ARMC2: variants seen among roughly 807,000 people sequenced by gnomAD.
ARMC2 encodes armadillo repeat containing 2, also known as armadillo repeat-containing protein 2.
In ARMC2, 67 loss-of-function variants were observed where a neutral mutation model predicts 90.3. That is an observed-to-expected ratio of 0.74 (90% CI 0.61 to 0.91). The LOEUF is 0.91. Ranked by LOEUF, ARMC2 falls within the 40% of genes least tolerant of loss-of-function variation. ARMC2 has a pLI of 0.00. For missense variants in ARMC2, 920 were observed against 1,030.9 expected (o/e 0.89, Z 1.47); for synonymous variants, 393 against 393.0 (o/e 1.00, Z 0.00).
chr6:108,989,574 T>G, the ARMC2 span, among the ~76,000 whole-genome samples: 1 of 151,262 alleles, frequency 6.6e-6, no homozygotes, highest in Non-Finnish European at 1.5e-5. Flanking sequence ...GATCTAGAGA[T>G]ATCTATATAT....
the ARMC2 span, among the ~76,000 whole-genome samples, chr6:109,051,353 T>C: frequency 6.6e-6 from 1 of 152,178 alleles, no homozygotes; most frequent in Non-Finnish European, 1.5e-5. Context: ...GCTACTTCAG[T>C]GAAAAATGTA....
intron 4 of ARMC2, among the ~76,000 whole-genome samples, chr6:108,872,656 G>T (rs1233616172): frequency 1.3e-5 from 2 of 152,080 alleles, no homozygotes; most frequent in African/African-American, 2.4e-5. Flanking sequence ...TTTATCCCAG[G>T]GGACCATGAA....
chr6:108,907,823 AG>A (rs1772945426), intron 8 of ARMC2: 2 of 1,204,134 alleles, frequency 1.7e-6, no homozygotes, highest in Non-Finnish European at 2.4e-6. Context: ...CAGCTCCCCC[AG>A]TTTGACCTCC....
intron 12 of ARMC2, among the ~76,000 whole-genome samples, chr6:108,950,121 AC>A (rs1777074767): frequency 6.6e-6 from 1 of 152,154 alleles, no homozygotes; most frequent in Non-Finnish European, 1.5e-5. Flanking sequence ...CAGAAGAATC[AC>A]TTGAACACAG....
At chr6:109,030,785 A>G in the ARMC2 span, among the ~76,000 whole-genome samples, 1 of 152,212 alleles carries the variant, frequency 6.6e-6, no homozygotes, top group South Asian at 2.1e-4. Context: ...AGTGACTTGT[A>G]CAACTTCTTA....
Position 108,945,193 on chromosome 6 carries a change from G to A in ARMC2, c.1597-7840G>A, listed in dbSNP as rs115685799. ...GATGGGCTTAATAACGAAGGAGGGA[G>A]TGGGGTTGCTATCAGCCTTTGGGAG... On this transcript the variant is annotated intron_variant, in intron 12 of 17. Transcript: ENST00000392644. 5.2e-3 allele frequency among the ~76,000 whole-genome samples: 798 copies of A among 152,222 alleles called. 4 individuals carry two copies. The highest frequency in any genetic ancestry group is 0.019 in the African/African-American group (772 of 41,518).
At chr6:108,876,757 A>G (rs1776980292) in intron 5 of ARMC2, among the ~76,000 whole-genome samples, 1 of 152,184 alleles carries the variant, frequency 6.6e-6, no homozygotes, top group African/African-American at 2.4e-5. Flanking sequence ...CACTTATTTT[A>G]TTCTTCAGTA....
the ARMC2 span, among the ~76,000 whole-genome samples, chr6:109,033,715 G>C: frequency 6.6e-6 from 1 of 152,168 alleles, no homozygotes; most frequent in Non-Finnish European, 1.5e-5. Flanking sequence ...TTGATAATAT[G>C]AAAACTGCTA....
chr6:109,031,217 C>T, the ARMC2 span, among the ~76,000 whole-genome samples: 14 of 152,040 alleles, frequency 9.2e-5, no homozygotes, highest in African/African-American at 2.2e-4. Context: ...TAGTGGGAAA[C>T]GGTCAGTTTT....
At chr6:108,891,409 AT>A (rs1771012049) in intron 5 of ARMC2, among the ~76,000 whole-genome samples, 1 of 152,190 alleles carries the variant, frequency 6.6e-6, no homozygotes, top group Admixed American at 6.5e-5. Flanking sequence ...CCTCTCCAGC[AT>A]TTACTGTTTC....
intron 6 of ARMC2, among the ~76,000 whole-genome samples, chr6:108,894,749 T>C (rs1014119669): frequency 1.3e-5 from 2 of 151,318 alleles, no homozygotes; most frequent in African/African-American, 4.9e-5. Context: ...CAAACATCTA[T>C]AGATGACAGT....
chr6:108,870,425 G>T (rs1031961458), intron 4 of ARMC2, among the ~76,000 whole-genome samples: 1 of 151,932 alleles, frequency 6.6e-6, no homozygotes, highest in African/African-American at 2.4e-5. Flanking sequence ...CATGTCCCCA[G>T]CCTGTGCCAT....
intron 3 of ARMC2, among the ~76,000 whole-genome samples, chr6:108,862,698 GGA>G (rs954650228): frequency 1.3e-5 from 2 of 152,098 alleles, no homozygotes; most frequent in Admixed American, 6.5e-5. Context: ...GGAGAGAGAG[GGA>G]GAGAGAGTGG....
At position 108,953,331 on chromosome 6, in the gene ARMC2, G is replaced by A. The variant is rs1562424421; in HGVS notation, c.1895G>A (p.Gly632Asp). The A allele has an allele frequency of 6.2e-7, 1 of 1,605,874 alleles. No individual in the cohort carries two copies. Among genetic ancestry groups the A allele is most frequent in the Non-Finnish European group, 8.5e-7 (1 of 1,178,440 alleles). Residue 632 changes from glycine to aspartate, a missense_variant, in exon 13 of 18, where the codon GGC (glycine) becomes GAC (aspartate). Gly to Asp is a moderately conservative substitution (Grantham distance 94). Transcript: ENST00000392644. ...CTGGCCGCCAACCCGGGGATAGTGGGCCTGCTCCTGACCACGCTGGGTGAG... is the reference window on the plus strand; with the variant it reads ...CTGGCCGCCAACCCGGGGATAGTGGACCTGCTCCTGACCACGCTGGGTGAG... ...PVLAANPGIV[G>D]LLLTTLEYKS...
chr6:109,049,116 G>A, the ARMC2 span, among the ~76,000 whole-genome samples: 9 of 152,014 alleles, frequency 5.9e-5, no homozygotes, highest in African/African-American at 1.9e-4. Context: ...GCACATAAAA[G>A]TAGGAAAAGT....
chr6:108,990,709 C>T, the ARMC2 span: 1 of 1,614,120 alleles, frequency 6.2e-7, no homozygotes, highest in Non-Finnish European at 8.5e-7. Flanking sequence ...GTATCAACAT[C>T]TTTGTGCATT....
At chr6:108,966,454 C>G (rs1442047798) in intron 17 of ARMC2, among the ~76,000 whole-genome samples, 1 of 152,132 alleles carries the variant, frequency 6.6e-6, no homozygotes, top group African/African-American at 2.4e-5. Context: ...CAGAAGGTGG[C>G]TGACGTGCTC....
At position 108,964,310 on chromosome 6, in the gene ARMC2, AAAGT is replaced by A; in HGVS notation, c.2285+3_2285+6del. On this transcript the variant is annotated splice_donor_variant and coding_sequence_variant, in exon 16 of 18. Transcript: ENST00000392644. LOFTEE classifies it high-confidence loss of function. ...TCTTGAAAGAAGGAGGTGGCATTAA[AAAGT>A]AAGTTTCAGGGCGTAGAGTACTGAC... is the stretch of plus-strand genomic sequence containing the variant. 6.2e-7 allele frequency: 1 copy of A among 1,613,832 alleles called. No individual in the cohort carries two copies. Among genetic ancestry groups the A allele is most frequent in the South Asian group, 1.1e-5 (1 of 91,032 alleles).
chr6:109,005,342 ATTATG>A, the ARMC2 span, among the ~76,000 whole-genome samples: 2 of 152,214 alleles, frequency 1.3e-5, no homozygotes, highest in Non-Finnish European at 2.9e-5. Flanking sequence ...ATATGTATAT[ATTATG>A]TTATCAGTAG....
Sources: gnomAD v4.1 joint callset for allele counts (sites outside exome capture counted in the v4.1 genomes callset) on GRCh38, gnomAD v4.1.1 for gene constraint, MANE v1.5 for transcripts, NCBI Gene and HGNC (gene_info 2026-07-23, HGNC 2026-07-21) for gene names.